Variants in ASTN2 observed in about 807,000 individuals in gnomAD.
The protein encoded by ASTN2 is astrotactin 2.
Under a neutral mutation model 139.8 loss-of-function variants are expected in ASTN2, and 54 were observed. The ratio of observed to expected loss-of-function variants is 0.39; its 90% confidence interval spans 0.31 to 0.48. The LOEUF is 0.48. ASTN2 is among the 20% of genes least tolerant of loss of function. The probability of loss-of-function intolerance (pLI) is 0.95; values close to 1 mark genes in which losing one functional copy is unlikely to be tolerated. For synonymous variants in ASTN2, 756 were observed against 719.5 expected (o/e 1.05, Z -0.81); for missense variants, 1,565 against 1,725.1 (o/e 0.91, Z 1.64).
Position 116,607,345 on chromosome 9 carries a change from C to T in ASTN2, c.3355+10979G>A, listed in dbSNP as rs114228948. On this transcript the variant is annotated intron_variant, in intron 19 of 22. Transcript: ENST00000313400. The stretch of plus-strand genomic sequence containing the variant: ...GTATCTTTAAAAACAACTGCCCACC[C>T]ACAAAGTCAGGAATTGGATAATGTG... Among the ~76,000 whole-genome samples the T allele has an allele frequency of 8.7e-3, 1,324 of 152,112 alleles. 22 individuals carry two copies. Among genetic ancestry groups the T allele is most frequent in the African/African-American group, 0.031 (1,283 of 41,480 alleles).
At chr9:117,265,574 C>T (rs976123818) in intron 2 of ASTN2, among the ~76,000 whole-genome samples, 2 of 152,094 alleles carry the variant, frequency 1.3e-5, no homozygotes, top group African/African-American at 4.8e-5. Context: ...AGAGTGTCTG[C>T]TATAAAATCC....
chr9:116,713,001 G>A (rs1258356656), intron 16 of ASTN2, among the ~76,000 whole-genome samples: 1 of 152,082 alleles, frequency 6.6e-6, no homozygotes, highest in African/African-American at 2.4e-5. Context: ...CTGCCTATTA[G>A]CAGCCATGTG....
chr9:116,636,320 C>A (rs183468362), intron 17 of ASTN2, among the ~76,000 whole-genome samples: 9 of 152,310 alleles, frequency 5.9e-5, no homozygotes, highest in Admixed American at 5.2e-4. Context: ...TCTAAGGCAA[C>A]GGAAATAGCC....
chr9:116,743,092 C>G (rs959644591), intron 13 of ASTN2, among the ~76,000 whole-genome samples: 5 of 152,174 alleles, frequency 3.3e-5, no homozygotes, highest in Admixed American at 2.6e-4. Context: ...TCACCAACCT[C>G]TGCCTTCTCT....
At chr9:116,999,458 T>C (rs991186784) in intron 7 of ASTN2, among the ~76,000 whole-genome samples, 6 of 151,708 alleles carry the variant, frequency 4.0e-5, no homozygotes, top group Non-Finnish European at 8.8e-5. Context: ...CAAGGTCGAC[T>C]GGCAAATTTG....
chr9:117,231,762 G>A (rs1221285254), intron 2 of ASTN2, among the ~76,000 whole-genome samples: 1 of 152,110 alleles, frequency 6.6e-6, no homozygotes, highest in African/African-American at 2.4e-5. Context: ...ATAGAAGGAA[G>A]TGCAGGAGAG....
chr9:116,506,056 T>C (rs1587899963), intron 19 of ASTN2, among the ~76,000 whole-genome samples: 1 of 152,286 alleles, frequency 6.6e-6, no homozygotes, highest in African/African-American at 2.4e-5. Flanking sequence ...CATCTATTAC[T>C]TTACCATCAT....
At chr9:117,353,796 A>G (rs1025507608) in intron 1 of ASTN2, among the ~76,000 whole-genome samples, 4 of 152,158 alleles carry the variant, frequency 2.6e-5, no homozygotes, top group African/African-American at 7.2e-5. Context: ...AAAGAAGCCA[A>G]TCTGAAAAGG....
At chr9:117,208,422 T>A (rs1832009650) in intron 3 of ASTN2, among the ~76,000 whole-genome samples, 1 of 151,060 alleles carries the variant, frequency 6.6e-6, no homozygotes, top group Non-Finnish European at 1.5e-5. Flanking sequence ...AAATCTAAAC[T>A]TGAAGACAGA....
intron 17 of ASTN2, among the ~76,000 whole-genome samples, chr9:116,648,577 G>T (rs1857729855): frequency 6.7e-6 from 1 of 148,324 alleles, no homozygotes; most frequent in Non-Finnish European, 1.5e-5. Context: ...GTTAGTTTGG[G>T]GACCTCTGAT....
At chr9:116,628,975 G>C (rs965313163) in intron 17 of ASTN2, among the ~76,000 whole-genome samples, 1 of 152,208 alleles carries the variant, frequency 6.6e-6, no homozygotes, top group African/African-American at 2.4e-5. Flanking sequence ...TGAAGAAAGA[G>C]AGGAGTGGGA....
intron 4 of ASTN2, among the ~76,000 whole-genome samples, chr9:117,134,814 T>A (rs1829912321): frequency 6.6e-6 from 1 of 152,100 alleles, no homozygotes; most frequent in African/African-American, 2.4e-5. Flanking sequence ...GAAGTACTGG[T>A]AGGCCGAGAT....
chr9:116,992,410 G>A (rs561064778), intron 7 of ASTN2, among the ~76,000 whole-genome samples: 1 of 152,186 alleles, frequency 6.6e-6, no homozygotes, highest in East Asian at 1.9e-4. Context: ...AGGAGAAGGG[G>A]TAGAGGCAAG....
intron 1 of ASTN2, among the ~76,000 whole-genome samples, chr9:117,381,983 C>T (rs890757368): frequency 2.0e-5 from 3 of 152,086 alleles, no homozygotes; most frequent in Non-Finnish European, 4.4e-5. Flanking sequence ...GTCAATGTGG[C>T]TGGAGTGCTG....
intron 3 of ASTN2, among the ~76,000 whole-genome samples, chr9:117,206,566 A>G (rs1831932093): frequency 6.6e-6 from 1 of 152,042 alleles, no homozygotes; most frequent in Admixed American, 6.5e-5. Flanking sequence ...TAGCCATGGC[A>G]CCTCTCCAGC....
At position 117,414,792 on chromosome 9, in the gene ASTN2, G is replaced by A; in HGVS notation, c.147C>T (p.Ala49=). 3.2e-6 allele frequency: 4 copies of A among 1,240,568 alleles called. No homozygotes were observed. Among genetic ancestry groups the A allele is most frequent in the East Asian group, 3.7e-5 (1 of 26,948 alleles). 76.8% of individuals were successfully genotyped at this position (1,240,568 alleles called of 1,614,324 possible). ...CCCGCGAGGCAGCGGCGGTGGCGCC[G>A]GCCAGCAGCGGCGGCGGCGGCAGCA... ...LLLLPPPPLL[A]GATAAASREP... is the part of the protein sequence containing the mutation. Residue 49 remains alanine, a synonymous_variant, in exon 1 of 23, where the codon GCC becomes GCT. Transcript: ENST00000313400. The surrounding 1 kb of genome is among the most constrained non-coding windows in gnomAD (Gnocchi z 4.2).
intron 1 of ASTN2, among the ~76,000 whole-genome samples, chr9:117,325,867 C>G (rs1828496963): frequency 1.3e-5 from 2 of 152,130 alleles, no homozygotes; most frequent in South Asian, 2.1e-4. Context: ...GTCCCAAACT[C>G]AACGCTGTCA....
At chr9:116,992,300 A>G (rs1836882932) in intron 7 of ASTN2, among the ~76,000 whole-genome samples, 1 of 152,182 alleles carries the variant, frequency 6.6e-6, no homozygotes, top group African/African-American at 2.4e-5. Flanking sequence ...CTTGGGCCAG[A>G]TAATCTGTAG....
At chr9:117,106,118 G>C (rs552372534) in intron 4 of ASTN2, among the ~76,000 whole-genome samples, 4 of 152,336 alleles carry the variant, frequency 2.6e-5, no homozygotes, top group African/African-American at 9.6e-5. Context: ...CCAGACTTTT[G>C]AAATGGTAGA....
Sources: allele counts gnomAD v4.1 joint callset (sites outside exome capture counted in the v4.1 genomes callset), GRCh38; gene constraint gnomAD v4.1.1; non-coding constraint Gnocchi (gnomAD v3.1); transcripts MANE v1.5; gene names NCBI Gene and HGNC (gene_info 2026-07-23, HGNC 2026-07-21).